Variants in SWAP70 observed in about 807,000 individuals in gnomAD.
The protein encoded by SWAP70 is switching B cell complex subunit SWAP70, also known as switch-associated protein 70.
A neutral mutation model predicts 80.2 loss-of-function variants in SWAP70; 34 were observed. That is an observed-to-expected ratio of 0.42 (90% CI 0.32 to 0.56). The LOEUF is 0.56. SWAP70 is among the 20% of genes least tolerant of loss of function. The pLI is 0.09. For missense variants in SWAP70, 578 were observed against 690.7 expected (o/e 0.84, Z 1.83); for synonymous variants, 239 against 238.5 (o/e 1.00, Z -0.02).
At position 9,724,643 on chromosome 11, in the gene SWAP70, A is replaced by C. The variant is rs768590274; in HGVS notation, c.415-15A>C. 2.6e-6 allele frequency: 4 copies of C among 1,564,702 alleles called. No individual in the cohort carries two copies. The highest frequency in any genetic ancestry group is 2.6e-6 in the Non-Finnish European group (3 of 1,150,440). On this transcript the variant is annotated splice_polypyrimidine_tract_variant and intron_variant, in intron 3 of 11. Coordinates refer to ENST00000318950, the MANE Select transcript of SWAP70 (RefSeq NM_015055.4). ...TTTTTAACTAGGAAATAATTATTTC[A>C]CATTCTTTATGTAGATTGAATACCT...
At chr11:9,748,908 C>T (rs1359701977) in intron 10 of SWAP70, among the ~76,000 whole-genome samples, 179 bp from the exon 11 acceptor site, 1 of 152,170 alleles carries the variant, frequency 6.6e-6, no homozygotes, top group Non-Finnish European at 1.5e-5. Context: ...GGTTACTGAC[C>T]TTCTCTGAAC....
chr11:9,749,277 C>A, intron 11 of SWAP70, 94 bp downstream of exon 11: 1 of 627,740 alleles, frequency 1.6e-6, no homozygotes, highest in Non-Finnish European at 2.1e-6. Context: ...GAGTCTCGCT[C>A]TGTCGCCCAG....
chr11:9,667,899 A>C (rs1376175860), intron 1 of SWAP70, among the ~76,000 whole-genome samples: 1 of 151,294 alleles, frequency 6.6e-6, no homozygotes, highest in African/African-American at 2.4e-5. Context: ...TGTATTTTTT[A>C]TTTTTTTGAG....
intron 11 of SWAP70, among the ~76,000 whole-genome samples, chr11:9,749,651 A>G (rs1258195762): frequency 6.6e-6 from 1 of 152,220 alleles, no homozygotes; most frequent in Admixed American, 6.5e-5. Context: ...GTTCAGGATA[A>G]ATTTCTCTTG....
rs138149022 is a variant in SWAP70 at position 9,733,465 on chromosome 11, T to C, written c.1080+755T>C. On this transcript the variant is annotated intron_variant, in intron 7 of 11. Coordinates refer to ENST00000318950, the MANE Select transcript of SWAP70 (RefSeq NM_015055.4). ...TCTACATACCTAGTGGGGTTCTCCCTTGGTAACCCGTAGAAATGCCACATT... is the reference window on the plus strand; with the variant it reads ...TCTACATACCTAGTGGGGTTCTCCCCTGGTAACCCGTAGAAATGCCACATT... Among the ~76,000 whole-genome samples, 509 of 152,334 alleles carry C rather than the reference T, an allele frequency of 3.3e-3. 3 individuals carry two copies. Among genetic ancestry groups the C allele is most frequent in the African/African-American group, 0.012 (492 of 41,570 alleles).
At chr11:9,748,534 C>T (rs1032606401) in intron 10 of SWAP70, among the ~76,000 whole-genome samples, 3 of 152,212 alleles carry the variant, frequency 2.0e-5, no homozygotes, top group African/African-American at 7.2e-5. Context: ...TGGGAGGCCA[C>T]CGGCAAAAGC....
chr11:9,705,639 TAC>T (rs1850898191), intron 2 of SWAP70, among the ~76,000 whole-genome samples: 1 of 143,800 alleles, frequency 7.0e-6, no homozygotes, highest in African/African-American at 2.9e-5. Context: ...GTGATCTGTA[TAC>T]ACTTGGTGAT....
intron 4 of SWAP70, among the ~76,000 whole-genome samples, chr11:9,726,606 ATTAG>A (rs1229717161): frequency 6.6e-6 from 1 of 152,234 alleles, no homozygotes; most frequent in African/African-American, 2.4e-5. Context: ...ATGTAATATG[ATTAG>A]AACTTAATAT....
chr11:9,696,496 A>G (rs1424585980), intron 2 of SWAP70, among the ~76,000 whole-genome samples: 1 of 152,178 alleles, frequency 6.6e-6, no homozygotes, highest in Non-Finnish European at 1.5e-5. Context: ...CTGAAAACAT[A>G]CACACACATG....
At chr11:9,671,613 T>TATATAA (rs1850397846) in intron 1 of SWAP70, among the ~76,000 whole-genome samples, 9 of 94,624 alleles carry the variant, frequency 9.5e-5, no homozygotes, top group Admixed American at 1.5e-4. Context: ...TATATAGAAA[T>TATATAA]ATATTTCTAT....
At position 9,713,625 on chromosome 11, in the gene SWAP70, A is replaced by G. The variant is rs371953127; in HGVS notation, c.400A>G (p.Ile134Val). The change falls in exon 3 of 12, where the codon ATT becomes GTT. Residue 134 changes from isoleucine to valine, a missense_variant. Physicochemically the swap from Ile to Val is conservative, Grantham distance 29 (BLOSUM62 3). Coordinates refer to ENST00000318950, the MANE Select transcript of SWAP70 (RefSeq NM_015055.4). Reference protein sequence around the residue: ...FLSEDKYPLIIVSEEIEYLLK... With the variant: ...FLSEDKYPLIVVSEEIEYLLK... ...ATCTGAGGACAAGTATCCATTAATT[A>G]TTGTGTCAGAAGAGGTAAGGTGTGG... 2 of 1,613,098 alleles carry G rather than the reference A, an allele frequency of 1.2e-6. No homozygotes were observed. Among genetic ancestry groups the G allele is most frequent in the African/African-American group, 1.3e-5 (1 of 74,872 alleles).
intron 7 of SWAP70, among the ~76,000 whole-genome samples, chr11:9,735,927 A>G (rs1340210165): frequency 6.6e-6 from 1 of 152,056 alleles, no homozygotes; most frequent in Non-Finnish European, 1.5e-5. Context: ...CTTAAGCTGG[A>G]TAAGTTTTCA....
At chr11:9,667,725 G>A (rs1250605676) in intron 1 of SWAP70, among the ~76,000 whole-genome samples, 1 of 151,956 alleles carries the variant, frequency 6.6e-6, no homozygotes, top group Non-Finnish European at 1.5e-5. Context: ...ACTATGCCCA[G>A]CTAATGTTTG....
At chr11:9,678,429 A>G (rs1004442550) in intron 1 of SWAP70, among the ~76,000 whole-genome samples, 1 of 149,716 alleles carries the variant, frequency 6.7e-6, no homozygotes, top group African/African-American at 2.5e-5. Context: ...TCTAGTTTCT[A>G]TTCCTTACTT....
rs563144966 is a variant in SWAP70 at position 9,689,898 on chromosome 11, C to T, written c.100-4248C>T. ...CTGATGGGGTGGGGCTGGGGTAGCA[C>T]CAGCACATCACTAAAATTTAGAAAC... On this transcript the variant is annotated intron_variant, in intron 1 of 11. Coordinates refer to ENST00000318950, the MANE Select transcript of SWAP70 (RefSeq NM_015055.4). Among the ~76,000 whole-genome samples, 73 of 152,252 alleles carry T rather than the reference C, an allele frequency of 4.8e-4. 1 individual carries two copies. The South Asian group carries it at 0.013, about 28-fold the overall frequency.
chr11:9,671,491 T>A (rs1258848086), intron 1 of SWAP70, among the ~76,000 whole-genome samples: 1 of 76,778 alleles, frequency 1.3e-5, no homozygotes, highest in African/African-American at 5.3e-5. Flanking sequence ...TATTTATAAA[T>A]ATATATATAA....
rs199876287 is a variant in SWAP70, at chr11:9,701,765, TG to T, written c.240+7481del. ...TCTGACAGTGAATAATTGAAGAAAG[TG>T]GTATATTACTACCTTCTAGTTAGTA... On this transcript the variant is annotated intron_variant, in intron 2 of 11. Coordinates refer to ENST00000318950, the MANE Select transcript of SWAP70 (RefSeq NM_015055.4). Among the ~76,000 whole-genome samples, 12 of 138,152 alleles carry T rather than the reference TG, an allele frequency of 8.7e-5. No homozygotes were observed. In the East Asian group the frequency reaches 2.5e-3, roughly 29 times the overall value. The allele number at this position is 138,152 out of a possible 152,430, so 90.6% of individuals were successfully genotyped here. A position where few individuals can be genotyped will look rare whatever the true frequency, so the allele number is the denominator to read the frequency against.
intron 3 of SWAP70, among the ~76,000 whole-genome samples, chr11:9,715,899 C>T (rs1006844510): frequency 3.3e-5 from 5 of 152,238 alleles, no homozygotes; most frequent in African/African-American, 1.2e-4. Flanking sequence ...ATAGTGCCCA[C>T]TTCCCAATTA....
At chr11:9,704,074 T>C (rs561406472) in intron 2 of SWAP70, among the ~76,000 whole-genome samples, 2 of 152,334 alleles carry the variant, frequency 1.3e-5, no homozygotes, top group African/African-American at 4.8e-5. Flanking sequence ...TAGTTGTGAA[T>C]GTATTTACTA....
Sources: allele counts gnomAD v4.1 joint callset (sites outside exome capture counted in the v4.1 genomes callset), GRCh38; gene constraint gnomAD v4.1.1; transcripts MANE v1.5; gene names NCBI Gene and HGNC (gene_info 2026-07-23, HGNC 2026-07-21).